Variants in DNAH14 observed in about 807,000 individuals in gnomAD.
DNAH14 encodes dynein axonemal heavy chain 14, also known as axonemal beta dynein heavy chain 14.
In DNAH14, 478 loss-of-function variants were observed where a neutral mutation model predicts 520.9. That is an observed-to-expected ratio of 0.92 (90% CI 0.85 to 0.99). The LOEUF is 0.99. DNAH14 is among the 50% of genes least tolerant of loss of function. The probability of loss-of-function intolerance (pLI) is 0.00; values close to 1 mark genes in which losing one functional copy is unlikely to be tolerated. For synonymous variants in DNAH14, 1,581 were observed against 1,757.2 expected (o/e 0.90, Z 2.51); for missense variants, 4,831 against 5,234.5 (o/e 0.92, Z 2.38).
intron 21 of DNAH14, among the ~76,000 whole-genome samples, chr1:225,087,225 A>G (rs1319698486): frequency 6.6e-6 from 1 of 152,248 alleles, no homozygotes; most frequent in Admixed American, 6.5e-5. Context: ...CCTTTGTGCT[A>G]CATTATTATC....
At chr1:225,061,133 A>T (rs2070019294) in intron 17 of DNAH14, among the ~76,000 whole-genome samples, 2 of 152,222 alleles carry the variant, frequency 1.3e-5, no homozygotes, top group South Asian at 4.1e-4. Context: ...AGAGGCAGGC[A>T]GCCCTCCTTG....
chr1:225,101,029 T>C (rs2148726340), intron 23 of DNAH14, 145 bp downstream of exon 23: 2 of 566,234 alleles, frequency 3.5e-6, no homozygotes, highest in South Asian at 3.9e-5. Flanking sequence ...TCACTACCTA[T>C]AGAGTTAATA....
Position 225,051,615 on chromosome 1 carries a change from T to C in DNAH14, c.2244T>C (p.Asn748=). 1 of 1,550,996 alleles carries C rather than the reference T, an allele frequency of 6.4e-7. No individual in the cohort carries two copies. The highest frequency in any genetic ancestry group is 8.7e-7 in the Non-Finnish European group (1 of 1,146,600). ...CAAAAGAATTTGAAGCTATTCTAAATAGATTCAGAAACTATTTTAGACATA... is the reference window on the plus strand; with the variant it reads ...CAAAAGAATTTGAAGCTATTCTAAACAGATTCAGAAACTATTTTAGACATA... The part of the protein sequence containing the change: ...LTSKEFEAIL[N]RFRNYFRHIV... The change falls in exon 17 of 86, where the codon AAT becomes AAC. Residue 748 remains asparagine, a synonymous_variant. Coordinates refer to ENST00000682510, the MANE Select transcript of DNAH14 (RefSeq NM_001367479.1).
rs1013865966 is a variant in DNAH14, at chr1:225,351,634, C to CT, written c.11297-6dup. Reference sequence around the variant, plus strand: ...TATCTCTTCTAATGTGATCATCTTTCTTTTTTTATCAGGCACATTTGAAAT... The same window carrying CT: ...TATCTCTTCTAATGTGATCATCTTTCTTTTTTTTATCAGGCACATTTGAAAT... On this transcript the variant is annotated splice_polypyrimidine_tract_variant and intron_variant, in intron 71 of 85. Transcript: ENST00000682510. 2.3e-5 allele frequency: 35 copies of CT among 1,529,426 alleles called. 1 individual carries two copies. The African/African-American group carries it at 4.9e-4, about 21-fold the overall frequency. The allele number at this position is 1,529,426 out of a possible 1,614,324, so 94.7% of individuals were successfully genotyped here.
chr1:225,121,709 T>C (rs1393411977), intron 26 of DNAH14, among the ~76,000 whole-genome samples: 1 of 152,060 alleles, frequency 6.6e-6, no homozygotes, highest in Non-Finnish European at 1.5e-5. Flanking sequence ...GGCATGGTGA[T>C]GCACACCTGT....
rs2094209877 is a variant in DNAH14 at position 225,304,912 on chromosome 1, T to G, written c.8828T>G (p.Leu2943Trp). Residue 2943 changes from leucine (L) to tryptophan (W), a missense_variant, in exon 58 of 86, where the codon TTG (leucine) becomes TGG (tryptophan). By Grantham distance (61) the Leu-to-Trp change is moderately conservative. Coordinates refer to ENST00000682510, the MANE Select transcript of DNAH14 (RefSeq NM_001367479.1). ...EKVNFENREN[L>W]KEKLAPTCVQ... ...TTAAAAATTATTATTCTTCAGAACT[T>G]GAAAGAAAAACTTGCCCCAACATGT... 1 of 1,510,072 alleles carries G rather than the reference T, an allele frequency of 6.6e-7. No homozygotes were observed. Among genetic ancestry groups the G allele is most frequent in the South Asian group, 1.3e-5 (1 of 76,200 alleles). 93.5% of individuals were successfully genotyped at this position (1,510,072 alleles called of 1,614,324 possible). A position where few individuals can be genotyped will look rare whatever the true frequency, so the allele number is the denominator to read the frequency against.
intron 7 of DNAH14, 106 bp from the exon 8 acceptor site, chr1:224,973,985 A>C (rs982542092): frequency 3.2e-6 from 2 of 630,058 alleles, no homozygotes; most frequent in Non-Finnish European, 4.6e-6. Context: ...GGATGAATGA[A>C]ATATGTTCTA....
chr1:224,970,345 A>C (rs1238130916), intron 7 of DNAH14, among the ~76,000 whole-genome samples: 1 of 152,168 alleles, frequency 6.6e-6, no homozygotes, highest in Non-Finnish European at 1.5e-5. Flanking sequence ...TATCAGTGAC[A>C]ATGCGTGCCC....
intron 7 of DNAH14, among the ~76,000 whole-genome samples, chr1:224,972,513 C>A (rs1030253054): frequency 6.8e-6 from 1 of 146,072 alleles, no homozygotes; most frequent in Non-Finnish European, 1.5e-5. Flanking sequence ...TCACCCAGGC[C>A]GGAGTGCAGT....
chr1:225,312,068 C>G (rs1228033535), intron 60 of DNAH14, among the ~76,000 whole-genome samples: 2 of 152,136 alleles, frequency 1.3e-5, no homozygotes, highest in African/African-American at 4.8e-5. Flanking sequence ...TTGATTCTTC[C>G]TATCCATGAG....
At chr1:225,166,408 T>G (rs1193220905) in intron 35 of DNAH14, among the ~76,000 whole-genome samples, 1 of 152,190 alleles carries the variant, frequency 6.6e-6, no homozygotes, top group African/African-American at 2.4e-5. Context: ...TTTAATAAAT[T>G]GTTACTCACC....
At chr1:225,029,646 G>T (rs2066388678) in intron 11 of DNAH14, among the ~76,000 whole-genome samples, 1 of 151,856 alleles carries the variant, frequency 6.6e-6, no homozygotes, top group East Asian at 1.9e-4. Flanking sequence ...GAAGAAGTTT[G>T]GGGTATTGTG....
intron 15 of DNAH14, among the ~76,000 whole-genome samples, chr1:225,047,378 A>G (rs1506073): frequency 0.8 from 121,133 of 152,138 alleles, 51,656 homozygotes; most frequent in Non-Finnish European, 0.96. Flanking sequence ...TCAATGACAG[A>G]CCACATGGTA....
chr1:225,188,080 T>C (rs2084958156), intron 37 of DNAH14, among the ~76,000 whole-genome samples: 1 of 151,972 alleles, frequency 6.6e-6, no homozygotes, highest in Admixed American at 6.6e-5. Context: ...TTCTATTTCA[T>C]TGTTCTATAT....
At chr1:224,950,626 GTCAC>G (rs2060106610) in intron 1 of DNAH14, among the ~76,000 whole-genome samples, 1 of 152,184 alleles carries the variant, frequency 6.6e-6, no homozygotes, top group African/African-American at 2.4e-5. Flanking sequence ...GAATATGTAA[GTCAC>G]TCCAAAGTCA....
chr1:225,360,562 A>C (rs1252106217), intron 74 of DNAH14, 119 bp from the exon 75 acceptor site: 2 of 956,768 alleles, frequency 2.1e-6, no homozygotes, highest in Admixed American at 2.8e-5. Context: ...CAAAACCTGT[A>C]GTCTTTCCGC....
chr1:225,049,369 T>G (rs2068284545), intron 15 of DNAH14, among the ~76,000 whole-genome samples: 1 of 151,628 alleles, frequency 6.6e-6, no homozygotes, highest in Non-Finnish European at 1.5e-5. Context: ...CACCTATTTT[T>G]TTTTAATTGG....
In DNAH14 at chr1:225,013,465, A is replaced by T. The variant is rs184319385; in HGVS notation, c.1107+5921A>T. ...GGGTCAGGGACCCACTTGAGGAGGC[A>T]GTCAGTCCTTTAGCACTGTGCTGGG... On this transcript the variant is annotated intron_variant, in intron 10 of 85. Coordinates refer to ENST00000682510, the MANE Select transcript of DNAH14 (RefSeq NM_001367479.1). Among the ~76,000 whole-genome samples the T allele has an allele frequency of 2.0e-5, 3 of 152,320 alleles. No homozygotes were observed. The East Asian group carries it at 5.8e-4, about 30-fold the overall frequency.
chr1:225,153,940 A>G (rs2080773215), intron 34 of DNAH14, 114 bp downstream of exon 34: 1 of 667,812 alleles, frequency 1.5e-6, no homozygotes, highest in Non-Finnish European at 2.4e-6. Context: ...GCAGACTGTC[A>G]TAGTAAAGTA....
Sources: gnomAD v4.1 joint callset for allele counts (sites outside exome capture counted in the v4.1 genomes callset) on GRCh38, gnomAD v4.1.1 for gene constraint, MANE v1.5 for transcripts, NCBI Gene and HGNC (gene_info 2026-07-23, HGNC 2026-07-21) for gene names.